Variants in MACROD2 observed in about 807,000 individuals in gnomAD.
MACROD2 encodes the protein ADP-ribose glycohydrolase MACROD2.
Under a neutral mutation model 70.4 loss-of-function variants are expected in MACROD2, and 36 were observed. The observed-to-expected ratio is 0.51, with a 90% CI of 0.39 to 0.68. The LOEUF (loss-of-function observed/expected upper bound fraction) is 0.68. Ranked by LOEUF, MACROD2 falls within the 30% of genes least tolerant of loss-of-function variation. MACROD2 has a pLI of 0.00. For missense variants in MACROD2, 496 were observed against 538.4 expected (o/e 0.92, Z 0.78); for synonymous variants, 172 against 178.8 (o/e 0.96, Z 0.30).
chr20:15,504,214 A>G (rs1486789753), intron 8 of MACROD2, among the ~76,000 whole-genome samples: 3 of 152,118 alleles, frequency 2.0e-5, no homozygotes, highest in Non-Finnish European at 2.9e-5. Flanking sequence ...GTTGCCCACC[A>G]TCCACTTGTT....
chr20:16,022,076 C>T (rs775101), intron 15 of MACROD2, among the ~76,000 whole-genome samples: 1 of 139,486 alleles, frequency 7.2e-6, no homozygotes, highest in African/African-American at 2.7e-5. Flanking sequence ...TTTGAGACAG[C>T]GTCTCACTCT....
At chr20:14,968,464 CA>C (rs1211559425) in intron 5 of MACROD2, among the ~76,000 whole-genome samples, 2 of 152,066 alleles carry the variant, frequency 1.3e-5, no homozygotes, top group Non-Finnish European at 2.9e-5. Context: ...GCTACCAACC[CA>C]GGGGGTTCTT....
chr20:14,157,974 T>C (rs2055127877), intron 3 of MACROD2, among the ~76,000 whole-genome samples: 1 of 152,180 alleles, frequency 6.6e-6, no homozygotes, highest in South Asian at 2.1e-4. Flanking sequence ...GATGGTTCTA[T>C]TTTTTAGATT....
intron 6 of MACROD2, among the ~76,000 whole-genome samples, chr20:15,333,950 C>T (rs1006415893): frequency 2.0e-5 from 3 of 151,538 alleles, no homozygotes; most frequent in Non-Finnish European, 2.9e-5. Flanking sequence ...ATATATTTTT[C>T]CAAGTAGAGC....
intron 15 of MACROD2, 140 bp downstream of exon 15, chr20:15,987,298 C>T (rs771069539): frequency 1.4e-4 from 92 of 672,164 alleles, no homozygotes; most frequent in South Asian, 3.7e-4. Flanking sequence ...CCCAAATCTC[C>T]GTTTGAAAGT....
At chr20:15,535,123 G>T (rs574904855) in intron 8 of MACROD2, among the ~76,000 whole-genome samples, 18 of 152,014 alleles carry the variant, frequency 1.2e-4, no homozygotes, top group Non-Finnish European at 2.4e-4. Flanking sequence ...CAACAGGCAG[G>T]TGCCACTGTG....
chr20:15,004,894 T>G (rs769800651), intron 5 of MACROD2, among the ~76,000 whole-genome samples: 1 of 152,030 alleles, frequency 6.6e-6, no homozygotes, highest in Non-Finnish European at 1.5e-5. Flanking sequence ...AAGGAGGGAG[T>G]GTTTGATTTC....
intron 4 of MACROD2, among the ~76,000 whole-genome samples, chr20:14,648,267 C>T (rs1985500124): frequency 6.6e-6 from 1 of 152,096 alleles, no homozygotes; most frequent in Non-Finnish European, 1.5e-5. Context: ...GAGTGGGTCA[C>T]TATTCTACAG....
At chr20:15,376,406 C>A (rs2045562686) in intron 6 of MACROD2, among the ~76,000 whole-genome samples, 1 of 152,094 alleles carries the variant, frequency 6.6e-6, no homozygotes, top group African/African-American at 2.4e-5. Flanking sequence ...AATATCTCTG[C>A]ATTGACTAAC....
chr20:15,177,587 C>A (rs2076471719), intron 5 of MACROD2, among the ~76,000 whole-genome samples: 1 of 152,132 alleles, frequency 6.6e-6, no homozygotes. Flanking sequence ...CTGAACTCTG[C>A]ATTTTTTCTG....
intron 9 of MACROD2, among the ~76,000 whole-genome samples, chr20:15,879,166 C>G (rs573859690): frequency 3.0e-4 from 46 of 152,170 alleles, no homozygotes; most frequent in African/African-American, 1.1e-3. Context: ...ATTTCTATCA[C>G]TTTGGTAGAA....
At chr20:14,336,059 G>T (rs2082930751) in intron 3 of MACROD2, among the ~76,000 whole-genome samples, 1 of 152,064 alleles carries the variant, frequency 6.6e-6, no homozygotes. Flanking sequence ...GTCACTTTGG[G>T]TCAGGTATAA....
At chr20:14,661,231 A>C (rs181673626) in intron 4 of MACROD2, among the ~76,000 whole-genome samples, 1 of 152,072 alleles carries the variant, frequency 6.6e-6, no homozygotes, top group Admixed American at 6.5e-5. Flanking sequence ...CTGACTTTTT[A>C]TTACTAGCCA....
intron 5 of MACROD2, among the ~76,000 whole-genome samples, chr20:14,860,927 C>T (rs1381612294): frequency 1.3e-5 from 2 of 151,778 alleles, no homozygotes; most frequent in Non-Finnish European, 2.9e-5. Flanking sequence ...AGATGGTCTC[C>T]ATCTCTAACT....
chr20:15,463,195 A>G (rs1178181294), intron 7 of MACROD2, among the ~76,000 whole-genome samples: 9 of 152,190 alleles, frequency 5.9e-5, no homozygotes, highest in Non-Finnish European at 1.5e-5. Flanking sequence ...ACTACATTCC[A>G]TGTGTCAATG....
intron 5 of MACROD2, among the ~76,000 whole-genome samples, chr20:15,141,319 G>T (rs1340403497): frequency 2.0e-5 from 3 of 152,078 alleles, no homozygotes; most frequent in Non-Finnish European, 2.9e-5. Context: ...TTTGCATAAG[G>T]AGTGCATATA....
At chr20:15,435,288 A>G (rs1332729001) in intron 7 of MACROD2, among the ~76,000 whole-genome samples, 1 of 152,202 alleles carries the variant, frequency 6.6e-6, no homozygotes, top group Admixed American at 6.5e-5. Flanking sequence ...ATATTCAAGT[A>G]TCTCATGAGA....
intron 6 of MACROD2, among the ~76,000 whole-genome samples, chr20:15,361,964 A>C (rs1020406511): frequency 6.6e-6 from 1 of 151,186 alleles, no homozygotes; most frequent in South Asian, 2.1e-4. Flanking sequence ...GGAATTTTCT[A>C]TACACCATCA....
intron 3 of MACROD2, among the ~76,000 whole-genome samples, chr20:14,420,605 A>G (rs2083865009): frequency 6.6e-6 from 1 of 152,068 alleles, no homozygotes; most frequent in Non-Finnish European, 1.5e-5. Context: ...TTAGGAGTTC[A>G]TTATGTGTTT....
Sources: allele counts gnomAD v4.1 joint callset (sites outside exome capture counted in the v4.1 genomes callset), GRCh38; gene constraint gnomAD v4.1.1; transcripts MANE v1.5; gene names NCBI Gene and HGNC (gene_info 2026-07-23, HGNC 2026-07-21).